The following DLGAP2 variants were observed in gnomAD, a reference collection of about 807,000 sequenced individuals.
The protein encoded by DLGAP2 is disks large-associated protein 2.
In DLGAP2, 26 loss-of-function variants were observed where a neutral mutation model predicts 100.3. The observed-to-expected ratio is 0.26, with a 90% CI of 0.19 to 0.36. The LOEUF (loss-of-function observed/expected upper bound fraction) is 0.36. Among genes scored for constraint, DLGAP2 ranks in the 10% least tolerant of loss-of-function variants. The probability of loss-of-function intolerance (pLI) is 1.00; values close to 1 mark genes in which losing one functional copy is unlikely to be tolerated. For missense variants in DLGAP2, 1,858 were observed against 1,453.2 expected, an observed-to-expected ratio of 1.28 and a Z score of -4.53; for synonymous variants, 886 against 630.1, an observed-to-expected ratio of 1.41 and a Z score of -6.08.
chr8:1,190,639 A>G (rs551330161), intron 2 of DLGAP2, among the ~76,000 whole-genome samples: 1 of 152,148 alleles, frequency 6.6e-6, no homozygotes, highest in East Asian at 1.9e-4. Context: ...CGAGGTTGTG[A>G]GTGTGTGGTT....
chr8:1,340,463 AGTC>A (rs1329450190), intron 3 of DLGAP2, among the ~76,000 whole-genome samples: 1 of 152,276 alleles, frequency 6.6e-6, no homozygotes, highest in Non-Finnish European at 1.5e-5. Flanking sequence ...TGCAGCCAGC[AGTC>A]GTTTGAAGAA....
chr8:1,174,586 C>G (rs1299145146), intron 2 of DLGAP2, among the ~76,000 whole-genome samples: 1 of 151,862 alleles, frequency 6.6e-6, no homozygotes, highest in Non-Finnish European at 1.5e-5. Context: ...CCATTACCAT[C>G]ATTGTCGTCA....
rs1322287987 is a variant in DLGAP2 at position 1,187,711 on chromosome 8, C to G, written c.74-71140C>G. ...CACGCCCAGGACCTCTGTGACGTTT[C>G]CCTCACGGAATCTCACACGCCCGAG... On this transcript the variant is annotated intron_variant, in intron 2 of 14. Coordinates refer to ENST00000637795, the MANE Select transcript of DLGAP2 (RefSeq NM_001346810.2). 8.0e-5 allele frequency among the ~76,000 whole-genome samples: 11 copies of G among 137,690 alleles called. No homozygotes were observed. In the South Asian group the frequency reaches 1.2e-3, roughly 15 times the overall value. The allele number at this position is 137,690 out of a possible 152,430, so 90.3% of individuals were successfully genotyped here.
At position 1,331,724 on chromosome 8, in the gene DLGAP2, C is replaced by G. The variant is rs118059527; in HGVS notation, c.106+72841C>G. Reference sequence around the variant, plus strand: ...CCCACTTATAGAAGGGTCCTTCCGACGTTTAAAACGTGTCTTGTTTTGCTT... The same window carrying G: ...CCCACTTATAGAAGGGTCCTTCCGAGGTTTAAAACGTGTCTTGTTTTGCTT... On this transcript the variant is annotated intron_variant, in intron 3 of 14. Coordinates refer to ENST00000637795, the MANE Select transcript of DLGAP2 (RefSeq NM_001346810.2). Among the ~76,000 whole-genome samples the G allele has an allele frequency of 5.7e-3, 865 of 152,322 alleles. 1 individual carries two copies. Among genetic ancestry groups the G allele is most frequent in the Non-Finnish European group, 8.0e-3 (543 of 68,038 alleles).
intron 2 of DLGAP2, among the ~76,000 whole-genome samples, chr8:972,124 C>T (rs544065455): frequency 2.0e-5 from 3 of 152,268 alleles, no homozygotes; most frequent in Non-Finnish European, 4.4e-5. Flanking sequence ...ACATTTTAAC[C>T]TCTTAAACCT....
rs79044930 is a variant in DLGAP2, at chr8:1,408,372, A to G, written c.107-92994A>G. 3.5e-3 allele frequency among the ~76,000 whole-genome samples: 538 copies of G among 152,208 alleles called. 10 individuals are homozygous for G. The East Asian group carries it at 0.049, about 14-fold the overall frequency. Reference sequence around the variant, plus strand: ...CGTCTGTGTTCTCATCAGGGGAGAAATCAGTTCCAGGCCCCAGCTCCAAGT... The same window carrying G: ...CGTCTGTGTTCTCATCAGGGGAGAAGTCAGTTCCAGGCCCCAGCTCCAAGT... On this transcript the variant is annotated intron_variant, in intron 3 of 14. Coordinates refer to ENST00000637795, the MANE Select transcript of DLGAP2 (RefSeq NM_001346810.2).
chr8:1,435,864 CAA>C (rs1176719986), intron 3 of DLGAP2, among the ~76,000 whole-genome samples: 2 of 151,582 alleles, frequency 1.3e-5, no homozygotes, highest in African/African-American at 2.4e-5. Flanking sequence ...TAGTGCTTAA[CAA>C]GAGAGTTTAA....
At chr8:1,538,536 T>C (rs1399080717) in intron 4 of DLGAP2, among the ~76,000 whole-genome samples, 1 of 152,218 alleles carries the variant, frequency 6.6e-6, no homozygotes, top group Non-Finnish European at 1.5e-5. Context: ...TGTGAAAAGA[T>C]GAAAGCTGCT....
intron 3 of DLGAP2, among the ~76,000 whole-genome samples, chr8:1,406,877 A>G (rs75029188): frequency 3.4e-4 from 8 of 23,222 alleles, no homozygotes; most frequent in African/African-American, 7.3e-4. Context: ...CTCGTCCTCC[A>G]GAGTCGTGTA....
intron 1 of DLGAP2, among the ~76,000 whole-genome samples, chr8:780,135 C>T (rs1292105609): frequency 1.3e-5 from 2 of 152,150 alleles, no homozygotes; most frequent in Non-Finnish European, 2.9e-5. Flanking sequence ...TACATCTGCC[C>T]TTTCCTCATC....
chr8:1,238,644 C>G (rs1448044231), intron 2 of DLGAP2, among the ~76,000 whole-genome samples: 3 of 121,838 alleles, frequency 2.5e-5, no homozygotes, highest in African/African-American at 9.0e-5. Flanking sequence ...CTAGTTACCT[C>G]TCACATGGTG....
At chr8:947,897 TGGC>T (rs1799369209) in intron 2 of DLGAP2, among the ~76,000 whole-genome samples, 1 of 138,268 alleles carries the variant, frequency 7.2e-6, no homozygotes, top group Non-Finnish European at 1.5e-5. Context: ...GTGTGGGCCA[TGGC>T]CCCACCGAAC....
intron 2 of DLGAP2, among the ~76,000 whole-genome samples, chr8:1,206,417 G>A (rs36154902): frequency 6.6e-6 from 1 of 151,570 alleles, no homozygotes; most frequent in Non-Finnish European, 1.5e-5. Flanking sequence ...GGGGTAGACT[G>A]TGAGCGGTTA....
intron 2 of DLGAP2, among the ~76,000 whole-genome samples, chr8:1,149,426 C>T (rs1164924160): frequency 6.6e-6 from 1 of 152,170 alleles, no homozygotes; most frequent in Non-Finnish European, 1.5e-5. Flanking sequence ...GGATTACAGG[C>T]ACCAGCCACC....
At chr8:907,161 A>T (rs1304776162) in intron 1 of DLGAP2, among the ~76,000 whole-genome samples, 1 of 152,192 alleles carries the variant, frequency 6.6e-6, no homozygotes, top group Admixed American at 6.5e-5. Flanking sequence ...ATAAGCAGAG[A>T]CTTGTAGATG....
At chr8:1,636,693 C>T (rs1255948145) in intron 8 of DLGAP2, among the ~76,000 whole-genome samples, 1 of 152,208 alleles carries the variant, frequency 6.6e-6, no homozygotes, top group Admixed American at 6.5e-5. Context: ...GGGAAATTTT[C>T]ATCGTGGACT....
At chr8:1,193,794 C>A (rs1172415396) in intron 2 of DLGAP2, among the ~76,000 whole-genome samples, 4 of 151,988 alleles carry the variant, frequency 2.6e-5, no homozygotes, top group African/African-American at 9.7e-5. Flanking sequence ...CCGCACCATG[C>A]CCCCTGCAGC....
intron 7 of DLGAP2, among the ~76,000 whole-genome samples, chr8:1,628,750 C>A (rs1351118738): frequency 1.3e-5 from 2 of 151,336 alleles, no homozygotes; most frequent in Non-Finnish European, 2.9e-5. Context: ...CACATTCTCT[C>A]TGACTTACTG....
At chr8:1,682,718 C>T (rs1470743451) in intron 12 of DLGAP2, among the ~76,000 whole-genome samples, 1 of 151,400 alleles carries the variant, frequency 6.6e-6, no homozygotes, top group East Asian at 1.9e-4. Context: ...AAGTGATCTG[C>T]CCCCCTTGCC....
Sources: allele counts gnomAD v4.1 joint callset (sites outside exome capture counted in the v4.1 genomes callset), GRCh38; gene constraint gnomAD v4.1.1; transcripts MANE v1.5; gene names NCBI Gene and HGNC (gene_info 2026-07-23, HGNC 2026-07-21).